The following WWOX variants were observed in gnomAD, a reference collection of about 807,000 sequenced individuals.
WWOX encodes WW domain containing oxidoreductase.
Under a neutral mutation model 46.2 loss-of-function variants are expected in WWOX, and 69 were observed. The observed-to-expected ratio is 1.49, with a 90% confidence interval of 1.23 to 1.82. WWOX has a LOEUF of 1.82. Among genes scored for constraint, WWOX ranks in the 40% most tolerant of loss-of-function variants. The pLI is 0.00. For synonymous variants in WWOX, 359 were observed against 202.6 expected, an observed-to-expected ratio of 1.77 and a Z score of -6.56; for missense variants, 919 against 542.6, an observed-to-expected ratio of 1.69 and a Z score of -6.89.
chr16:78,278,934 A>AGT, intron 5 of WWOX, among the ~76,000 whole-genome samples: 1 of 152,068 alleles, frequency 6.6e-6, no homozygotes, highest in East Asian at 1.9e-4. Flanking sequence ...TGTGTACATA[A>AGT]GTGTGTGTGT....
At chr16:78,862,181 T>TG (rs1360761006) in intron 8 of WWOX, among the ~76,000 whole-genome samples, 2 of 151,808 alleles carry the variant, frequency 1.3e-5, no homozygotes, top group African/African-American at 4.8e-5. Context: ...TACACACCGA[T>TG]GGGTGTGTCT....
At chr16:78,794,667 T>A (rs2050692335) in intron 8 of WWOX, among the ~76,000 whole-genome samples, 2 of 152,282 alleles carry the variant, frequency 1.3e-5, no homozygotes, top group African/African-American at 4.8e-5. Context: ...GTTATAGCTG[T>A]TGCTGTCATT....
At chr16:78,925,843 C>T (rs1157447764) in intron 8 of WWOX, among the ~76,000 whole-genome samples, 1 of 152,214 alleles carries the variant, frequency 6.6e-6, no homozygotes, top group Non-Finnish European at 1.5e-5. Context: ...TAGTTCTAGC[C>T]TACCAGGATT....
At chr16:78,759,199 T>C (rs1374877152) in intron 8 of WWOX, among the ~76,000 whole-genome samples, 1 of 152,136 alleles carries the variant, frequency 6.6e-6, no homozygotes, top group African/African-American at 2.4e-5. Flanking sequence ...CACGGAGAAG[T>C]GTTAGAACAG....
intron 5 of WWOX, among the ~76,000 whole-genome samples, chr16:78,206,699 G>T (rs1204019866): frequency 6.6e-6 from 1 of 152,072 alleles, no homozygotes; most frequent in Non-Finnish European, 1.5e-5. Flanking sequence ...TACCTCCAGG[G>T]TTCAGATATT....
At chr16:79,084,349 A>C (rs1346671527) in intron 8 of WWOX, among the ~76,000 whole-genome samples, 1 of 152,246 alleles carries the variant, frequency 6.6e-6, no homozygotes, top group South Asian at 2.1e-4. Flanking sequence ...AGTCATAAGA[A>C]CAACAAATAA....
At chr16:78,346,570 T>C (rs4375669) in intron 5 of WWOX, among the ~76,000 whole-genome samples, 90,905 of 118,568 alleles carry the variant, frequency 0.77, 41,127 homozygotes, top group African/African-American at 0.91. Context: ...TTGATATTAT[T>C]GGTCTTCTAA....
chr16:78,403,895 C>T (rs753397231), intron 6 of WWOX, among the ~76,000 whole-genome samples: 4 of 152,190 alleles, frequency 2.6e-5, no homozygotes, highest in Non-Finnish European at 5.9e-5. Context: ...ACTTGCACTG[C>T]AGGTCAGCCT....
In WWOX at chr16:78,670,352, G is replaced by C. The variant is rs190923909; in HGVS notation, c.1056+237600G>C. 2.3e-4 allele frequency among the ~76,000 whole-genome samples: 35 copies of C among 152,300 alleles called. 2 individuals are homozygous for C. In the East Asian group the frequency reaches 5.8e-3, roughly 25 times the overall value. ...GAAACACCTTTCCAAGCTCCCCAGT[G>C]ACCCTGGTTCATCCCGGAAATATGC... On this transcript the variant is annotated intron_variant, in intron 8 of 8. Transcript: ENST00000566780.
chr16:78,876,230 G>T (rs530238869), intron 8 of WWOX, among the ~76,000 whole-genome samples: 1 of 149,524 alleles, frequency 6.7e-6, no homozygotes, highest in African/African-American at 2.5e-5. Flanking sequence ...TAATTCTTCC[G>T]CCAGCTATCT....
At chr16:78,128,717 C>G (rs1021617369) in intron 4 of WWOX, among the ~76,000 whole-genome samples, 3 of 152,244 alleles carry the variant, frequency 2.0e-5, no homozygotes, top group African/African-American at 4.8e-5. Context: ...TGGAGAGACT[C>G]CGCTGTGTCA....
rs143376153 is a variant in WWOX at position 78,309,600 on chromosome 16, C to T, written c.517-77260C>T. Among the ~76,000 whole-genome samples, 1,004 of 152,268 alleles carry T rather than the reference C, an allele frequency of 6.6e-3. 10 individuals carry two copies. The highest frequency in any genetic ancestry group is 0.022 in the African/African-American group (915 of 41,556). On this transcript the variant is annotated intron_variant, in intron 5 of 8. Transcript: ENST00000566780. ...GTATAAAATCAAGGTGTAACCCAGC[C>T]ACCTTGGGCACACGTTCCCAGGACC...
chr16:78,857,236 T>G (rs12935224), intron 8 of WWOX, among the ~76,000 whole-genome samples: 1 of 151,942 alleles, frequency 6.6e-6, no homozygotes, highest in Non-Finnish European at 1.5e-5. Context: ...AAGAAATTCA[T>G]TGAAAAGAAT....
chr16:79,045,112 C>T (rs1284217845), intron 8 of WWOX, among the ~76,000 whole-genome samples: 1 of 152,174 alleles, frequency 6.6e-6, no homozygotes, highest in East Asian at 1.9e-4. Flanking sequence ...TTTAGGCATT[C>T]GTTCATTCAT....
At chr16:78,964,248 G>T (rs569042808) in intron 8 of WWOX, among the ~76,000 whole-genome samples, 1 of 152,174 alleles carries the variant, frequency 6.6e-6, no homozygotes, top group Non-Finnish European at 1.5e-5. Context: ...ACAGGAAAAT[G>T]TGGGAAAGTT....
chr16:78,833,201 T>C (rs11644855), intron 8 of WWOX, among the ~76,000 whole-genome samples: 3,046 of 152,188 alleles, frequency 0.02, 39 homozygotes, highest in Non-Finnish European at 0.032. Flanking sequence ...ACTCCTGTGC[T>C]TGGTTAATTT....
intron 8 of WWOX, among the ~76,000 whole-genome samples, chr16:79,186,852 C>T (rs2051025848): frequency 6.6e-6 from 1 of 152,126 alleles, no homozygotes. Context: ...CTCCTTTTCT[C>T]CCATCCCCCA....
intron 8 of WWOX, among the ~76,000 whole-genome samples, chr16:79,007,744 A>G (rs765859662): frequency 6.6e-6 from 1 of 152,218 alleles, no homozygotes; most frequent in Non-Finnish European, 1.5e-5. Flanking sequence ...CAAAACCAGG[A>G]TGTGAATGGA....
At chr16:78,979,920 A>G (rs2046647878) in intron 8 of WWOX, among the ~76,000 whole-genome samples, 2 of 152,140 alleles carry the variant, frequency 1.3e-5, no homozygotes, top group South Asian at 2.1e-4. Context: ...CAAGGTCAGG[A>G]GATTGAGACC....
Sources: gnomAD v4.1 joint callset for allele counts (sites outside exome capture counted in the v4.1 genomes callset) on GRCh38, gnomAD v4.1.1 for gene constraint, MANE v1.5 for transcripts, NCBI Gene and HGNC (gene_info 2026-07-23, HGNC 2026-07-21) for gene names.